Variants in ANKRD29 observed in about 807,000 individuals in gnomAD.
ANKRD29 encodes the protein ankyrin repeat domain-containing protein 29.
ANKRD29 carries 32 observed loss-of-function variants against 38.0 expected under a neutral mutation model. The observed-to-expected ratio is 0.84, with a 90% CI of 0.64 to 1.13. The LOEUF (loss-of-function observed/expected upper bound fraction) is 1.13, where lower values mean the gene tolerates loss of function less well. Ranked by LOEUF, ANKRD29 falls within the 50% of genes most tolerant of loss-of-function variation. The pLI, the probability that ANKRD29 is intolerant of heterozygous loss-of-function variation, is 0.00. For missense variants in ANKRD29, 357 were observed against 377.9 expected (o/e 0.94, Z 0.46); for synonymous variants, 135 against 152.4 (o/e 0.89, Z 0.84).
chr18:23,641,373 T>G (rs1476833876), intron 3 of ANKRD29, among the ~76,000 whole-genome samples: 1 of 152,234 alleles, frequency 6.6e-6, no homozygotes, highest in African/African-American at 2.4e-5. Context: ...TCCTGCTCCC[T>G]GGCCTCTCCC....
intron 8 of ANKRD29, among the ~76,000 whole-genome samples, chr18:23,615,884 A>G (rs1286284854): frequency 6.8e-6 from 1 of 148,050 alleles, no homozygotes; most frequent in Non-Finnish European, 1.5e-5. Context: ...TAGTATATAT[A>G]GTATATATTT....
chr18:23,636,894 G>A (rs1353517030), intron 4 of ANKRD29, among the ~76,000 whole-genome samples: 2 of 152,156 alleles, frequency 1.3e-5, no homozygotes, highest in Non-Finnish European at 2.9e-5. Context: ...ACAGTTTTGG[G>A]GCATATAGAT....
intron 9 of ANKRD29, among the ~76,000 whole-genome samples, chr18:23,609,026 G>A (rs1396383653): frequency 5.9e-5 from 9 of 151,850 alleles, no homozygotes; most frequent in Non-Finnish European, 1.2e-4. Flanking sequence ...CCTGGGAGGC[G>A]GAGGTTGCAG....
At chr18:23,651,434 G>A (rs765641670) in intron 1 of ANKRD29, among the ~76,000 whole-genome samples, 2 of 152,196 alleles carry the variant, frequency 1.3e-5, no homozygotes, top group Non-Finnish European at 2.9e-5. Context: ...GAAATGGCAA[G>A]GGAGGTTTGA....
At position 23,637,994 on chromosome 18, in the gene ANKRD29, C is replaced by CTTTTTTTTT. The variant is rs3083465; in HGVS notation, c.330+846_330+854dup. On this transcript the variant is annotated intron_variant, in intron 4 of 9. Coordinates refer to ENST00000592179, the MANE Select transcript of ANKRD29 (RefSeq NM_173505.4). ...TGTCAAAAATGAAAATCAATTACTTCTTTTTTTTTTTTTTTTTTTTTGAGA... is the reference window on the plus strand; with the variant it reads ...TGTCAAAAATGAAAATCAATTACTTCTTTTTTTTTTTTTTTTTTTTTTTTTTTTTTGAGA... 4.2e-4 allele frequency among the ~76,000 whole-genome samples: 41 copies of CTTTTTTTTT among 98,058 alleles called. 2 individuals carry two copies. Among genetic ancestry groups the CTTTTTTTTT allele is most frequent in the African/African-American group, 1.3e-3 (32 of 24,544 alleles). 64.3% of individuals were successfully genotyped at this position (98,058 alleles called of 152,430 possible).
intron 5 of ANKRD29, among the ~76,000 whole-genome samples, chr18:23,631,322 C>G (rs1298594072): frequency 6.6e-6 from 1 of 151,648 alleles, no homozygotes; most frequent in East Asian, 1.9e-4. Context: ...CTCAATGCAG[C>G]GTCAACTTCC....
intron 1 of ANKRD29, among the ~76,000 whole-genome samples, chr18:23,657,816 C>A (rs1365419235): frequency 6.6e-6 from 1 of 152,122 alleles, no homozygotes; most frequent in East Asian, 1.9e-4. Flanking sequence ...ATGTTATGGA[C>A]TAAATGCTTG....
At position 23,633,997 on chromosome 18, in the gene ANKRD29, T is replaced by A. The variant is rs1431391043; in HGVS notation, c.429+54A>T. 28 of 1,564,018 alleles carry A rather than the reference T, an allele frequency of 1.8e-5. No homozygotes were observed. In the Middle Eastern group the frequency reaches 5.0e-4, roughly 28 times the overall value. On this transcript the variant is annotated intron_variant, in intron 5 of 9. Coordinates refer to ENST00000592179, the MANE Select transcript of ANKRD29 (RefSeq NM_173505.4). ...GCATTTCTGGCATCTGAATTTAGAC[T>A]GCAATTTTGTATGTGATGAGAAATG...
intron 6 of ANKRD29, among the ~76,000 whole-genome samples, chr18:23,624,481 A>AAAAAAAAAAAAAAAAAAAAG (rs2059836802): frequency 7.4e-6 from 1 of 134,356 alleles, no homozygotes; most frequent in Non-Finnish European, 1.6e-5. Context: ...AAAAAAAAAA[A>AAAAAAAAAAAAAAAAAAAAG]AAAAAAAAAA....
intron 8 of ANKRD29, 37 bp downstream of exon 8, chr18:23,617,695 C>A (rs199918616): frequency 6.4e-7 from 1 of 1,566,678 alleles, no homozygotes; most frequent in African/African-American, 1.4e-5. Context: ...TCTAACCTCT[C>A]TCTTACAGAT....
chr18:23,621,365 G>T (rs960042383), intron 6 of ANKRD29, among the ~76,000 whole-genome samples: 1 of 152,204 alleles, frequency 6.6e-6, no homozygotes, highest in Non-Finnish European at 1.5e-5. Flanking sequence ...GAAGACATCT[G>T]AGCTGGGTCG....
At chr18:23,619,240 G>A (rs1366985525) in intron 7 of ANKRD29, among the ~76,000 whole-genome samples, 3 of 149,752 alleles carry the variant, frequency 2.0e-5, no homozygotes, top group African/African-American at 4.9e-5. Flanking sequence ...CAGGACAGCC[G>A]GGAGGCCCCC....
chr18:23,621,174 T>TATG (rs2059793039), intron 6 of ANKRD29, among the ~76,000 whole-genome samples: 1 of 152,208 alleles, frequency 6.6e-6, no homozygotes, highest in Admixed American at 6.5e-5. Flanking sequence ...CCCAAGAGAC[T>TATG]GTTTTAGCCA....
intron 8 of ANKRD29, among the ~76,000 whole-genome samples, chr18:23,616,563 T>TATAC (rs1568013646): frequency 7.3e-6 from 1 of 137,832 alleles, no homozygotes; most frequent in African/African-American, 2.9e-5. Context: ...TATATATATA[T>TATAC]ACACTATATA....
chr18:23,653,470 C>G (rs186829524), intron 1 of ANKRD29, among the ~76,000 whole-genome samples: 1 of 152,168 alleles, frequency 6.6e-6, no homozygotes, highest in African/African-American at 2.4e-5. Context: ...AGGCTGATCT[C>G]GAACTCCTGA....
chr18:23,609,093 T>C (rs1046733515), intron 9 of ANKRD29: 1 of 149,274 alleles, frequency 6.7e-6, no homozygotes, highest in Non-Finnish European at 1.5e-5. Flanking sequence ...AAATTCTGTT[T>C]CAAAAAAAAA....
chr18:23,618,706 C>T (rs1049713671), intron 7 of ANKRD29: 1 of 151,882 alleles, frequency 6.6e-6, no homozygotes, highest in African/African-American at 2.4e-5. Context: ...CCCATTTTCA[C>T]ATATCAGTCG....
At chr18:23,626,128 G>A (rs2059859485) in intron 6 of ANKRD29, among the ~76,000 whole-genome samples, 1 of 152,108 alleles carries the variant, frequency 6.6e-6, no homozygotes, top group African/African-American at 2.4e-5. Context: ...CTAATCTTTT[G>A]GCTCCTTCTC....
chr18:23,612,282 T>G, intron 8 of ANKRD29, 92 bp from the exon 9 acceptor site: 1 of 1,129,268 alleles, frequency 8.9e-7, no homozygotes, highest in East Asian at 2.5e-5. Context: ...GTGATAAGAC[T>G]GTAACCTCAT....
Sources: gnomAD v4.1 joint callset for allele counts (sites outside exome capture counted in the v4.1 genomes callset) on GRCh38, gnomAD v4.1.1 for gene constraint, MANE v1.5 for transcripts, NCBI Gene and HGNC (gene_info 2026-07-23, HGNC 2026-07-21) for gene names.